LRRFIP2: variants seen among roughly 807,000 people sequenced by gnomAD.
LRRFIP2 encodes the protein LRR binding FLII interacting protein 2.
A neutral mutation model predicts 125.9 loss-of-function variants in LRRFIP2; 109 were observed. That is an observed-to-expected ratio of 0.87 (90% confidence interval 0.74 to 1.01). The LOEUF (loss-of-function observed/expected upper bound fraction) is 1.01. Ranked by LOEUF, LRRFIP2 falls within the 50% of genes least tolerant of loss-of-function variation. The probability of loss-of-function intolerance (pLI) is 0.00; values close to 1 mark genes in which losing one functional copy is unlikely to be tolerated. For synonymous variants in LRRFIP2, 291 were observed against 293.1 expected, an observed-to-expected ratio of 0.99 and a Z score of 0.07; for missense variants, 850 against 862.3, an observed-to-expected ratio of 0.99 and a Z score of 0.18.
intron 1 of LRRFIP2, among the ~76,000 whole-genome samples, chr3:37,155,387 T>C (rs1299201646): frequency 2.0e-5 from 3 of 152,246 alleles, no homozygotes; most frequent in African/African-American, 2.4e-5. Flanking sequence ...CACTGTCTAA[T>C]AGCATTAAAC....
chr3:37,121,031 T>C (rs894401088), intron 6 of LRRFIP2, among the ~76,000 whole-genome samples: 2 of 152,170 alleles, frequency 1.3e-5, no homozygotes, highest in Non-Finnish European at 2.9e-5. Context: ...AGCATGATAA[T>C]TCCTATACAT....
rs941098978 is a variant in LRRFIP2 at position 37,055,112 on chromosome 3, GT to G, written c.1923del (p.Glu641AspfsTer4). Reference protein sequence around the residue: ...SEYKFKLSKAEQDITTLEQSI... With the variant: ...SEYKFKLSKAXQDITTLEQSI... ...CTTTGCTCCAAGGTAGTTATATCCT[GT>G]TCTGCTTTTGAAAGCTTAAATTTGT... On this transcript the variant is annotated frameshift_variant, in exon 26 of 28. Coordinates refer to ENST00000336686, the MANE Select transcript of LRRFIP2 (RefSeq NM_006309.4). LOFTEE classifies it high-confidence loss of function. 14 of 1,596,156 alleles carry G rather than the reference GT, an allele frequency of 8.8e-6. No individual in the cohort carries two copies. The Admixed American group carries it at 2.0e-4, about 23-fold the overall frequency.
In LRRFIP2 at chr3:37,138,588, G is replaced by A. The variant is rs570678935; in HGVS notation, c.91-9439C>T. On this transcript the variant is annotated intron_variant, in intron 2 of 27. Transcript: ENST00000336686. ...TCCAAGTAAGTTCCAAGTCCCCCCG[G>A]AGATGCCTGAAACTGCAGATAGTAC... Among the ~76,000 whole-genome samples the A allele has an allele frequency of 1.6e-4, 24 of 152,260 alleles. No homozygotes were observed. In the East Asian group the frequency reaches 3.1e-3, roughly 20 times the overall value.
intron 21 of LRRFIP2, 78 bp downstream of exon 21, chr3:37,072,711 GT>G: frequency 2.4e-6 from 2 of 842,712 alleles, no homozygotes; most frequent in Non-Finnish European, 3.9e-6. Flanking sequence ...AAAAGGACAG[GT>G]TTTTTCAATC....
In LRRFIP2 at chr3:37,060,603, CTT is replaced by C. The variant is rs879377021; in HGVS notation, c.1750-1695_1750-1694del. 1.4e-5 allele frequency among the ~76,000 whole-genome samples: 2 copies of C among 144,964 alleles called. No individual in the cohort carries two copies. The highest frequency in any genetic ancestry group is 2.0e-4 in the East Asian group (1 of 5,038). ...CAGACATGAGCCACCATGCCCGGCC[CTT>C]TTTTTTTTTGTACTTCCACAGCTTC... On this transcript the variant is annotated intron_variant, in intron 24 of 27. Coordinates refer to ENST00000336686, the MANE Select transcript of LRRFIP2 (RefSeq NM_006309.4). This position sits in a 1 kb window ranked among gnomAD's most constrained non-coding sequence, Gnocchi z 4.1.
chr3:37,156,396 A>G (rs1560114106), intron 1 of LRRFIP2, among the ~76,000 whole-genome samples: 2 of 151,972 alleles, frequency 1.3e-5, no homozygotes, highest in Non-Finnish European at 2.9e-5. Flanking sequence ...GACTAGGGCC[A>G]GGCACGGTGG....
chr3:37,129,061 A>G lies in LRRFIP2; in HGVS notation c.177+2T>C. The G allele has an allele frequency of 6.2e-7, 1 of 1,613,666 alleles. No homozygotes were observed. The highest frequency in any genetic ancestry group is 2.2e-5 in the East Asian group (1 of 44,882). ...GAAATTAGGGTTATTCCCTCAAATT[A>G]CCTCTTTTTGTTGTCGTTCCAGTTC... is the stretch of plus-strand genomic sequence containing the variant. On this transcript the variant is annotated splice_donor_variant, in intron 3 of 27. Transcript: ENST00000336686. LOFTEE classifies it high-confidence loss of function.
chr3:37,091,597 C>G (rs938311569), intron 17 of LRRFIP2, 59 bp from the exon 18 acceptor site: 4 of 1,191,030 alleles, frequency 3.4e-6, no homozygotes, highest in Non-Finnish European at 3.6e-6. Context: ...TCTTAAATCG[C>G]AAAGGATTCA....
intron 18 of LRRFIP2, among the ~76,000 whole-genome samples, chr3:37,086,246 AACT>A (rs571887228): frequency 6.6e-5 from 10 of 152,232 alleles, no homozygotes; most frequent in Non-Finnish European, 1.5e-4. Flanking sequence ...GATGTGGAGA[AACT>A]ACATTTCCCA....
chr3:37,132,351 T>G (rs2095448118), intron 2 of LRRFIP2, among the ~76,000 whole-genome samples: 1 of 152,364 alleles, frequency 6.6e-6, no homozygotes, highest in East Asian at 1.9e-4. Context: ...AAGATTTGTC[T>G]GTGGCCAATT....
chr3:37,080,353 G>A (rs11714838), intron 19 of LRRFIP2, among the ~76,000 whole-genome samples: 34,567 of 151,622 alleles, frequency 0.23, 4,993 homozygotes, highest in Non-Finnish European at 0.33. Context: ...CCGAGATTGC[G>A]CCATTGCACT....
intron 2 of LRRFIP2, among the ~76,000 whole-genome samples, chr3:37,136,069 C>A (rs149111513): frequency 6.6e-5 from 10 of 152,184 alleles, no homozygotes; most frequent in Admixed American, 6.5e-4. Flanking sequence ...AATAAACCAG[C>A]GAGATTATCC....
chr3:37,063,907 A>T, intron 23 of LRRFIP2, 116 bp from the exon 24 acceptor site: 3 of 728,074 alleles, frequency 4.1e-6, no homozygotes, highest in Non-Finnish European at 7.3e-6. Context: ...CATTACTTAC[A>T]GCTCTGAATA....
chr3:37,097,486 A>G (rs2149260824), intron 15 of LRRFIP2, among the ~76,000 whole-genome samples: 1 of 152,268 alleles, frequency 6.6e-6, no homozygotes, highest in South Asian at 2.1e-4. Flanking sequence ...CTATATCAGT[A>G]TGTTCTTTTC....
chr3:37,113,806 G>T (rs563078088), intron 7 of LRRFIP2, among the ~76,000 whole-genome samples: 1 of 152,266 alleles, frequency 6.6e-6, no homozygotes, highest in South Asian at 2.1e-4. Context: ...GGTATGGATT[G>T]CCCAGCATAC....
In LRRFIP2 at chr3:37,106,673, T is replaced by TAAATTA. The variant is rs1162586294; in HGVS notation, c.715-1151_715-1150insTAATTT. ...AAAATTAAAATTAGGCCAGGCACAG[T>TAAATTA]GGTTCACGCCTGTAATCCCAGCACT... On this transcript the variant is annotated intron_variant, in intron 13 of 27. Coordinates refer to ENST00000336686, the MANE Select transcript of LRRFIP2 (RefSeq NM_006309.4). Among the ~76,000 whole-genome samples, 16 of 152,178 alleles carry TAAATTA rather than the reference T, an allele frequency of 1.1e-4. No homozygotes were observed. In the East Asian group the frequency reaches 3.1e-3, roughly 29 times the overall value.
At chr3:37,159,627 C>T (rs2175881) in intron 1 of LRRFIP2, among the ~76,000 whole-genome samples, 53,282 of 151,798 alleles carry the variant, frequency 0.35, 10,521 homozygotes, top group Non-Finnish European at 0.45. Flanking sequence ...CTACCTCAGC[C>T]TCCTGAATAC....
chr3:37,142,635 G>C lies in LRRFIP2; in HGVS notation c.90+6259C>G, dbSNP rs564534746. ...TGGGAAACTTCATAACATGTAGATA[G>C]GGCCAACATTCACAGAGGATAAGGG... is the stretch of plus-strand genomic sequence containing the variant. On this transcript the variant is annotated intron_variant, in intron 2 of 27. Coordinates refer to ENST00000336686, the MANE Select transcript of LRRFIP2 (RefSeq NM_006309.4). Among the ~76,000 whole-genome samples the C allele has an allele frequency of 5.3e-5, 8 of 152,252 alleles. 1 individual carries two copies. The highest frequency in any genetic ancestry group is 1.7e-4 in the African/African-American group (7 of 41,568).
chr3:37,129,183 C>A (rs1297077957), intron 2 of LRRFIP2, 34 bp from the exon 3 acceptor site: 2 of 1,565,322 alleles, frequency 1.3e-6, no homozygotes, highest in Non-Finnish European at 8.8e-7. Flanking sequence ...CTTTATACAA[C>A]AAAAACAAAA....
Sources: allele counts gnomAD v4.1 joint callset (sites outside exome capture counted in the v4.1 genomes callset), GRCh38; gene constraint gnomAD v4.1.1; non-coding constraint Gnocchi (gnomAD v3.1); transcripts MANE v1.5; gene names NCBI Gene and HGNC (gene_info 2026-07-23, HGNC 2026-07-21).